Variants in BPTF observed in about 807,000 individuals in gnomAD.
BPTF encodes bromodomain PHD finger transcription factor.
A neutral mutation model predicts 292.5 loss-of-function variants in BPTF; 18 were observed. That is an observed-to-expected ratio of 0.06 (90% CI 0.04 to 0.09). BPTF has a LOEUF of 0.09. BPTF is among the 10% of genes least tolerant of loss of function. The probability of loss-of-function intolerance (pLI) is 1.00; values close to 1 mark genes in which losing one functional copy is unlikely to be tolerated. For synonymous variants in BPTF, 1,225 were observed against 1,251.9 expected (o/e 0.98, Z 0.45); for missense variants, 2,726 against 3,498.7 (o/e 0.78, Z 5.57).
chr17:67,828,459 A>T (rs1423444330), intron 1 of BPTF, among the ~76,000 whole-genome samples: 1 of 152,198 alleles, frequency 6.6e-6, no homozygotes, highest in Non-Finnish European at 1.5e-5. Context: ...GCATATGCTG[A>T]CTTAAATTAC....
At chr17:67,941,120 C>A (rs904071589) in intron 19 of BPTF, among the ~76,000 whole-genome samples, 24 of 152,170 alleles carry the variant, frequency 1.6e-4, no homozygotes, top group African/African-American at 5.8e-4. Flanking sequence ...CTTTGAAGAA[C>A]AGGATTATTT....
chr17:67,920,352 G>A (rs895951452), intron 13 of BPTF, among the ~76,000 whole-genome samples: 3 of 152,176 alleles, frequency 2.0e-5, no homozygotes, highest in African/African-American at 4.8e-5. Context: ...TCTAAGCACA[G>A]CAAAGGGCTA....
At chr17:67,934,542 G>T (rs1031246390) in intron 18 of BPTF, among the ~76,000 whole-genome samples, 1 of 151,012 alleles carries the variant, frequency 6.6e-6, no homozygotes, top group East Asian at 1.9e-4. Context: ...AAAAGAAAAA[G>T]ATATTAGATA....
At chr17:67,978,297 T>C (rs1555695057) in intron 27 of BPTF, among the ~76,000 whole-genome samples, 2 of 41,886 alleles carry the variant, frequency 4.8e-5, no homozygotes, top group Non-Finnish European at 3.1e-4. Flanking sequence ...GAAATATATA[T>C]ATATATATAT....
chr17:67,948,885 G>T (rs2066014009), intron 23 of BPTF, among the ~76,000 whole-genome samples: 1 of 152,230 alleles, frequency 6.6e-6, no homozygotes, highest in Non-Finnish European at 1.5e-5. Context: ...AGAGGCTGAG[G>T]CAGGAGGATC....
Position 67,941,089 on chromosome 17 carries a change from A to G in BPTF, c.6477+433A>G, listed in dbSNP as rs551707277. ...TACTGAAAGTTTATATGGAGGTACA[A>G]AGTATTAAGAATATCTGTACCTTTG... On this transcript the variant is annotated intron_variant, in intron 19 of 27. Coordinates refer to ENST00000306378, the MANE Select transcript of BPTF (RefSeq NM_182641.4). Among the ~76,000 whole-genome samples, 45 of 152,368 alleles carry G rather than the reference A, an allele frequency of 3.0e-4. 1 individual carries two copies. The highest frequency in any genetic ancestry group is 9.1e-4 in the African/African-American group (38 of 41,582).
chr17:67,898,316 G>A (rs1030496052), intron 7 of BPTF, among the ~76,000 whole-genome samples: 3 of 152,134 alleles, frequency 2.0e-5, no homozygotes, highest in Non-Finnish European at 2.9e-5. Context: ...AGCTGAGATC[G>A]CACCAGTGCA....
intron 1 of BPTF, among the ~76,000 whole-genome samples, chr17:67,850,234 G>T (rs1435680078): frequency 6.6e-6 from 1 of 152,096 alleles, no homozygotes; most frequent in Non-Finnish European, 1.5e-5. Context: ...AAAAATCCCT[G>T]TCGTTAAGGA....
At chr17:67,895,526 A>G (rs1390757307) in intron 7 of BPTF, among the ~76,000 whole-genome samples, 1 of 146,312 alleles carries the variant, frequency 6.8e-6, no homozygotes, top group African/African-American at 2.6e-5. Flanking sequence ...CAGTGGCGCC[A>G]TCACAGCTCA....
chr17:67,860,315 G>A (rs1282212109), intron 2 of BPTF, among the ~76,000 whole-genome samples: 1 of 152,096 alleles, frequency 6.6e-6, no homozygotes, highest in African/African-American at 2.4e-5. Flanking sequence ...ATTATATGTG[G>A]ACTCCTCATG....
At chr17:67,917,902 C>T (rs187078638) in intron 11 of BPTF, among the ~76,000 whole-genome samples, 1 of 152,206 alleles carries the variant, frequency 6.6e-6, no homozygotes, top group East Asian at 1.9e-4. Flanking sequence ...AGCTACACCT[C>T]CCAGGTTCAC....
At chr17:67,887,561 C>T (rs73995049) in intron 4 of BPTF, among the ~76,000 whole-genome samples, 4,574 of 152,146 alleles carry the variant, frequency 0.03, 251 homozygotes, top group African/African-American at 0.1. Context: ...ACTTTGTTTT[C>T]AACCTATCTG....
chr17:67,901,289 T>G (rs1357921805), intron 7 of BPTF, among the ~76,000 whole-genome samples: 1 of 149,060 alleles, frequency 6.7e-6, no homozygotes, highest in African/African-American at 2.5e-5. Flanking sequence ...AACATTTAGA[T>G]TGATGAAGAA....
intron 11 of BPTF, among the ~76,000 whole-genome samples, chr17:67,916,459 G>A (rs1405524461): frequency 6.6e-6 from 1 of 152,020 alleles, no homozygotes; most frequent in Non-Finnish European, 1.5e-5. Context: ...GCGTGGTGGC[G>A]GGCGCCTGTA....
intron 18 of BPTF, among the ~76,000 whole-genome samples, chr17:67,939,938 T>C (rs2065234341): frequency 6.6e-6 from 1 of 152,242 alleles, no homozygotes; most frequent in African/African-American, 2.4e-5. Context: ...ATAGTGGTCC[T>C]TGCCTTCATG....
intron 1 of BPTF, among the ~76,000 whole-genome samples, chr17:67,836,855 A>G (rs760989101): frequency 2.0e-5 from 3 of 152,194 alleles, no homozygotes; most frequent in Non-Finnish European, 4.4e-5. Context: ...CAAAGAGTAA[A>G]ATGTTTTAAG....
At chr17:67,917,131 C>CCTTTTTTTTTTT (rs2063065953) in intron 11 of BPTF, among the ~76,000 whole-genome samples, 1 of 105,800 alleles carries the variant, frequency 9.5e-6, no homozygotes, top group African/African-American at 3.6e-5. Context: ...TGGTATTGTC[C>CCTTTTTTTTTTT]TTTTTTTTTT....
chr17:67,850,616 C>T (rs2058334471), intron 1 of BPTF, among the ~76,000 whole-genome samples: 1 of 152,176 alleles, frequency 6.6e-6, no homozygotes, highest in South Asian at 2.1e-4. Flanking sequence ...ATCTGCCCAC[C>T]TTGGACTCCC....
At chr17:67,973,931 G>A (rs1555692458) in intron 26 of BPTF, 1 of 151,464 alleles carries the variant, frequency 6.6e-6, no homozygotes, top group South Asian at 2.1e-4. Flanking sequence ...TAGTGTTTGT[G>A]TTGTTCTGCA....
Sources: allele counts gnomAD v4.1 joint callset (sites outside exome capture counted in the v4.1 genomes callset), GRCh38; gene constraint gnomAD v4.1.1; transcripts MANE v1.5; gene names NCBI Gene and HGNC (gene_info 2026-07-23, HGNC 2026-07-21).